DSG4: variants seen among roughly 807,000 people sequenced by gnomAD.
The protein encoded by DSG4 is desmoglein 4.
In DSG4, 87 loss-of-function variants were observed where a neutral mutation model predicts 93.1. The observed-to-expected ratio is 0.93, with a 90% CI of 0.79 to 1.12. The LOEUF (loss-of-function observed/expected upper bound fraction) is 1.12, where lower values mean the gene tolerates loss of function less well. Among genes scored for constraint, DSG4 ranks in the 50% most tolerant of loss-of-function variants. The pLI is 0.00. For synonymous variants in DSG4, 432 were observed against 452.9 expected (o/e 0.95, Z 0.59); for missense variants, 1,373 against 1,285.7 (o/e 1.07, Z -1.04).
At chr18:31,398,349 C>T (rs7229349) in intron 8 of DSG4, among the ~76,000 whole-genome samples, 104,732 of 152,016 alleles carry the variant, frequency 0.69, 37,391 homozygotes, top group East Asian at 0.9. Context: ...AAGTAAATTT[C>T]TGTGAATGTT....
intron 14 of DSG4, among the ~76,000 whole-genome samples, chr18:31,410,611 A>G (rs1398311200): frequency 6.6e-6 from 1 of 152,120 alleles, no homozygotes; most frequent in African/African-American, 2.4e-5. Flanking sequence ...GCCTCAAAAG[A>G]GTGTCGTAAA....
At chr18:31,411,872 G>T (rs940113304) in intron 15 of DSG4, among the ~76,000 whole-genome samples, 1 of 152,086 alleles carries the variant, frequency 6.6e-6, no homozygotes, top group Non-Finnish European at 1.5e-5. Flanking sequence ...AAAAAGAATT[G>T]GGAACGAAAG....
chr18:31,381,722 C>T (rs527831110), intron 1 of DSG4, among the ~76,000 whole-genome samples: 3 of 152,006 alleles, frequency 2.0e-5, no homozygotes, highest in African/African-American at 4.8e-5. Context: ...TGCAATGGTG[C>T]GATCTCAGCT....
rs2072236290 is a variant in DSG4, at chr18:31,390,559, CAGGAGA to C, written c.518-93_518-88del. ...ATGGAAAACTCAAACAGAGAGAATTCAGGAGAAGGCCAACCACTCTGTCTTCTTATG... is the reference window on the plus strand; with the variant it reads ...ATGGAAAACTCAAACAGAGAGAATTCAGGCCAACCACTCTGTCTTCTTATG... On this transcript the variant is annotated intron_variant, in intron 5 of 15. Coordinates refer to ENST00000308128, the MANE Select transcript of DSG4 (RefSeq NM_177986.5). The C allele has an allele frequency of 2.9e-5, 42 of 1,427,342 alleles. No homozygotes were observed. In the South Asian group the frequency reaches 4.9e-4, roughly 17 times the overall value. 88.4% of individuals were successfully genotyped at this position (1,427,342 alleles called of 1,614,324 possible).
At position 31,413,640 on chromosome 18, in the gene DSG4, A is replaced by T; in HGVS notation, c.*45A>T. ...CTATGTGGAGACCTTGCACCTTGTA[A>T]TCATCAATACATCCACCAAAAATAT... On this transcript the variant is annotated 3_prime_UTR_variant, in exon 16 of 16. Coordinates refer to ENST00000308128, the MANE Select transcript of DSG4 (RefSeq NM_177986.5). 1 of 1,599,318 alleles carries T rather than the reference A, an allele frequency of 6.3e-7. No homozygotes were observed. Among genetic ancestry groups the T allele is most frequent in the Non-Finnish European group, 8.5e-7 (1 of 1,173,920 alleles).
Position 31,386,863 on chromosome 18 carries a change from G to A in DSG4, c.216+44G>A, listed in dbSNP as rs148248471. 12 of 1,611,130 alleles carry A rather than the reference G, an allele frequency of 7.4e-6. No homozygotes were observed. In the East Asian group the frequency reaches 2.2e-4, roughly 30 times the overall value. ...TGATGACAAATGCTTTTGCAGAGCA[G>A]GGAAGCTTTCAAATATCTCCAAGAT... On this transcript the variant is annotated intron_variant, in intron 3 of 15. Coordinates refer to ENST00000308128, the MANE Select transcript of DSG4 (RefSeq NM_177986.5).
chr18:31,408,492 G>A (rs1568072320), intron 12 of DSG4, among the ~76,000 whole-genome samples: 1 of 152,210 alleles, frequency 6.6e-6, no homozygotes, highest in Admixed American at 6.5e-5. Context: ...ATTAATTGTT[G>A]TAATAAGACT....
chr18:31,388,794 C>T, intron 4 of DSG4, 80 bp from the exon 5 acceptor site: 1 of 1,603,464 alleles, frequency 6.2e-7, no homozygotes, highest in Non-Finnish European at 8.5e-7. Flanking sequence ...TGTTTCTTTG[C>T]CTATTTTCTG....
chr18:31,377,768 G>A (rs2072092007), intron 1 of DSG4, among the ~76,000 whole-genome samples: 1 of 152,124 alleles, frequency 6.6e-6, no homozygotes, highest in Admixed American at 6.6e-5. Flanking sequence ...GAGGGTAAGA[G>A]GACAGGATTA....
Position 31,403,606 on chromosome 18 carries a change from T to A in DSG4, c.1608T>A (p.Ala536=). ...TTGTTGATGAGCCACCAGGAATAGC[T>A]GACATGTGGGATGTCAGATCAACAA... The part of the protein sequence containing the change: ...FCVVDEPPGI[A]DMWDVRSTNA... Residue 536 remains alanine (A), a synonymous_variant, in exon 11 of 16, where the codon GCT becomes GCA. Transcript: ENST00000308128. The A allele has an allele frequency of 6.2e-7, 1 of 1,614,076 alleles. No homozygotes were observed. Among genetic ancestry groups the A allele is most frequent in the Non-Finnish European group, 8.5e-7 (1 of 1,179,938 alleles).
intron 7 of DSG4, among the ~76,000 whole-genome samples, chr18:31,391,913 A>T (rs2072254032): frequency 6.6e-6 from 1 of 152,158 alleles, no homozygotes; most frequent in Admixed American, 6.6e-5. Flanking sequence ...AAATAAATAA[A>T]TAAAAGAGAA....
chr18:31,406,012 T>C (rs1235732474), intron 11 of DSG4, 65 bp from the exon 12 acceptor site: 8 of 1,594,856 alleles, frequency 5.0e-6, no homozygotes, highest in Non-Finnish European at 6.9e-6. Context: ...TTAGGGAGAG[T>C]TAACCACCCC....
Position 31,402,260 on chromosome 18 carries a change from A to G in DSG4, c.1418-1156A>G, listed in dbSNP as rs116528273. On this transcript the variant is annotated intron_variant, in intron 10 of 15. Transcript: ENST00000308128. ...GAATAAGTTTGCTTCAGCACACACCATCATCAGGTGAAGAGACAGACCTCT... is the reference window on the plus strand; with the variant it reads ...GAATAAGTTTGCTTCAGCACACACCGTCATCAGGTGAAGAGACAGACCTCT... Among the ~76,000 whole-genome samples, 611 of 152,318 alleles carry G rather than the reference A, an allele frequency of 4.0e-3. 3 individuals are homozygous for G. Among genetic ancestry groups the G allele is most frequent in the African/African-American group, 0.013 (556 of 41,574 alleles).
chr18:31,399,867 A>G (rs556732283), intron 9 of DSG4, among the ~76,000 whole-genome samples: 2 of 152,270 alleles, frequency 1.3e-5, no homozygotes, highest in African/African-American at 2.4e-5. Flanking sequence ...TGATTAAGCC[A>G]TATTGTGGGC....
intron 11 of DSG4, among the ~76,000 whole-genome samples, chr18:31,404,640 G>T (rs1332118310): frequency 6.6e-6 from 1 of 152,122 alleles, no homozygotes; most frequent in Non-Finnish European, 1.5e-5. Flanking sequence ...ATAAGGTGGG[G>T]AAAATACCAC....
intron 11 of DSG4, among the ~76,000 whole-genome samples, chr18:31,405,364 A>G (rs1387726048): frequency 2.6e-5 from 4 of 152,280 alleles, no homozygotes; most frequent in East Asian, 1.9e-4. Flanking sequence ...TAAGGAGGGT[A>G]TTGTGTAAAC....
chr18:31,413,413 A>G lies in DSG4; in HGVS notation c.2941A>G (p.Ser981Gly). ...TGGTGTGCCTGACATGAGCAATAGT[A>G]GCACGACTGAGGGTTGTATGGGACC... is the stretch of plus-strand genomic sequence containing the variant. ...SPGVPDMSNS[S>G]TTEGCMGPVM... is the part of the protein sequence containing the mutation. Residue 981 changes from serine (S) to glycine (G), a missense_variant, in exon 16 of 16, where the codon AGC (serine) becomes GGC (glycine). Ser to Gly is a moderately conservative substitution (Grantham distance 56, BLOSUM62 0). Transcript: ENST00000308128. 10 of 1,614,082 alleles carry G rather than the reference A, an allele frequency of 6.2e-6. No homozygotes were observed. Among genetic ancestry groups the G allele is most frequent in the Non-Finnish European group, 7.6e-6 (9 of 1,179,936 alleles).
chr18:31,386,700 G>T lies in DSG4; in HGVS notation c.97G>T (p.Asp33Tyr). The change falls in exon 3 of 16, where the codon GAC (aspartate) becomes TAC (tyrosine). Residue 33 changes from aspartate (D) to tyrosine (Y), a missense_variant. Coordinates refer to ENST00000308128, the MANE Select transcript of DSG4 (RefSeq NM_177986.5). ...ATTTTTGCTTAAGGTGAAGGAATTT[G>T]ACATTGAAAATGGCACTACAAAATG... ...SEFIVEVKEFDIENGTTKWQT... is the reference protein window; with the variant it reads ...SEFIVEVKEFYIENGTTKWQT... 1 of 1,613,166 alleles carries T rather than the reference G, an allele frequency of 6.2e-7. No individual in the cohort carries two copies. The highest frequency in any genetic ancestry group is 1.1e-5 in the South Asian group (1 of 91,040).
intron 1 of DSG4, among the ~76,000 whole-genome samples, chr18:31,381,994 A>G (rs2072141020): frequency 6.6e-6 from 1 of 152,078 alleles, no homozygotes; most frequent in Admixed American, 6.6e-5. Context: ...AAGCATTTTT[A>G]TATTTCCAGT....
Sources: allele counts gnomAD v4.1 joint callset (sites outside exome capture counted in the v4.1 genomes callset), GRCh38; gene constraint gnomAD v4.1.1; transcripts MANE v1.5; gene names NCBI Gene and HGNC (gene_info 2026-07-23, HGNC 2026-07-21).